Variants in PTPRD observed in about 807,000 individuals in gnomAD.
The protein encoded by PTPRD is receptor-type tyrosine-protein phosphatase delta.
Under a neutral mutation model 214.5 loss-of-function variants are expected in PTPRD, and 34 were observed. That is an observed-to-expected ratio of 0.16 (90% CI 0.12 to 0.21). The LOEUF (loss-of-function observed/expected upper bound fraction) is 0.21, where lower values mean the gene tolerates loss of function less well. PTPRD is among the 10% of genes least tolerant of loss of function. The pLI, the probability that PTPRD is intolerant of heterozygous loss-of-function variation, is 1.00. For missense variants in PTPRD, 2,545 were observed against 2,398.7 expected (o/e 1.06, Z -1.27); for synonymous variants, 1,128 against 845.7 (o/e 1.33, Z -5.79).
intron 2 of PTPRD, among the ~76,000 whole-genome samples, chr9:10,546,304 T>G (rs1208362410): frequency 6.6e-6 from 1 of 152,090 alleles, no homozygotes; most frequent in Admixed American, 6.6e-5. Context: ...GATATTATCT[T>G]AACATTTTCC....
chr9:10,412,371 T>C (rs1164397486), intron 2 of PTPRD, among the ~76,000 whole-genome samples: 6 of 151,604 alleles, frequency 4.0e-5, no homozygotes, highest in Non-Finnish European at 8.8e-5. Flanking sequence ...CAGAAAGAAA[T>C]TGATTCCCTG....
rs190794081 is a variant in PTPRD at position 10,600,473 on chromosome 9, T to C, written c.-600+11925A>G. On this transcript the variant is annotated intron_variant, in intron 2 of 45. Transcript: ENST00000381196. The stretch of plus-strand genomic sequence containing the variant: ...ACTCAACAGATGTTAGAGCAACATC[T>C]CCAGCAACAAAGACCTGGAGCTCAG... 3.3e-5 allele frequency among the ~76,000 whole-genome samples: 5 copies of C among 151,766 alleles called. No homozygotes were observed. In the East Asian group the frequency reaches 9.8e-4, roughly 30 times the overall value.
chr9:10,376,904 A>T (rs2097739885), intron 2 of PTPRD, among the ~76,000 whole-genome samples: 1 of 152,054 alleles, frequency 6.6e-6, no homozygotes, highest in South Asian at 2.1e-4. Context: ...TGTTATAAAC[A>T]ATCCAATTAT....
intron 5 of PTPRD, among the ~76,000 whole-genome samples, chr9:9,848,210 C>T (rs1360176488): frequency 2.6e-5 from 4 of 152,056 alleles, no homozygotes; most frequent in Non-Finnish European, 5.9e-5. Context: ...TTGTAATTTT[C>T]AGAGGCACTA....
intron 34 of PTPRD, among the ~76,000 whole-genome samples, chr9:8,439,157 G>C (rs2095457605): frequency 6.6e-6 from 1 of 152,164 alleles, no homozygotes; most frequent in Non-Finnish European, 1.5e-5. Context: ...AGAAAAGGGA[G>C]GAGAATCTGT....
chr9:8,809,772 A>G (rs1020121981), intron 11 of PTPRD, among the ~76,000 whole-genome samples: 13 of 152,320 alleles, frequency 8.5e-5, no homozygotes, highest in African/African-American at 3.1e-4. Flanking sequence ...TATCAGTTTC[A>G]GCCTGATAAT....
chr9:8,872,791 C>T (rs1454301017), intron 11 of PTPRD, among the ~76,000 whole-genome samples: 1 of 152,150 alleles, frequency 6.6e-6, no homozygotes, highest in African/African-American at 2.4e-5. Flanking sequence ...GTACAGGAGG[C>T]GGCATTTGCC....
intron 3 of PTPRD, among the ~76,000 whole-genome samples, chr9:10,155,784 G>A (rs994623858): frequency 9.2e-5 from 14 of 152,074 alleles, no homozygotes; most frequent in African/African-American, 3.4e-4. Context: ...TTGCATCCCA[G>A]AGATAAAGCC....
intron 36 of PTPRD, among the ~76,000 whole-genome samples, chr9:8,400,491 T>C (rs1050590510): frequency 6.6e-6 from 1 of 152,168 alleles, no homozygotes; most frequent in African/African-American, 2.4e-5. Context: ...AGATAGGAAA[T>C]AGGAAATGAA....
chr9:9,834,834 A>C (rs2056245233), intron 5 of PTPRD, among the ~76,000 whole-genome samples: 1 of 151,996 alleles, frequency 6.6e-6, no homozygotes, highest in South Asian at 2.1e-4. Flanking sequence ...TATTTAATTG[A>C]TTGGTGATAA....
chr9:10,540,608 G>A (rs56196122), intron 2 of PTPRD, among the ~76,000 whole-genome samples: 3,006 of 152,158 alleles, frequency 0.02, 38 homozygotes, highest in Middle Eastern at 0.034. Context: ...GTTTGCATTT[G>A]TAACTTATAT....
intron 4 of PTPRD, among the ~76,000 whole-genome samples, chr9:10,030,789 T>A (rs2097049338): frequency 6.6e-6 from 1 of 152,168 alleles, no homozygotes; most frequent in East Asian, 1.9e-4. Context: ...ACAAACCAGG[T>A]AATTTGTCAT....
chr9:8,948,426 TATATATATATTTAC>T lies in PTPRD; in HGVS notation c.-104+70257_-104+70270del, dbSNP rs1351357970. On this transcript the variant is annotated intron_variant, in intron 11 of 45. Coordinates refer to ENST00000381196, the MANE Select transcript of PTPRD (RefSeq NM_002839.4). The stretch of plus-strand genomic sequence containing the variant: ...TTTAAAATATATATATATATATATT[TATATATATATTTAC>T]ATATATATATATTTATATATATATT... 9.6e-3 allele frequency among the ~76,000 whole-genome samples: 236 copies of T among 24,510 alleles called. 20 individuals carry two copies. Among genetic ancestry groups the T allele is most frequent in the Non-Finnish European group, 0.016 (174 of 11,176 alleles). The allele number at this position is 24,510 out of a possible 152,430, so 16.1% of individuals were successfully genotyped here.
At position 9,748,933 on chromosome 9, in the gene PTPRD, A is replaced by C. The variant is rs867904885; in HGVS notation, c.-325-14362T>G. ...GTACTACTGTAATCTACATTTGACA[A>C]CATGGCTGGTGATAATTTGAGGTGG... On this transcript the variant is annotated intron_variant, in intron 6 of 45. Transcript: ENST00000381196. Among the ~76,000 whole-genome samples the C allele has an allele frequency of 1.5e-4, 23 of 152,338 alleles. No homozygotes were observed. The Middle Eastern group carries it at 0.014, about 90-fold the overall frequency.
intron 33 of PTPRD, among the ~76,000 whole-genome samples, chr9:8,454,253 G>C (rs945058873): frequency 3.3e-5 from 5 of 152,112 alleles, no homozygotes; most frequent in African/African-American, 9.7e-5. Context: ...CAGTTTATGA[G>C]ACACCTCACA....
chr9:9,058,481 C>T (rs1460639473), intron 10 of PTPRD, among the ~76,000 whole-genome samples: 1 of 52,498 alleles, frequency 1.9e-5, no homozygotes, highest in East Asian at 5.9e-4. Flanking sequence ...GACGGAGTCT[C>T]GCTGTCGCCC....
intron 10 of PTPRD, among the ~76,000 whole-genome samples, chr9:9,121,160 T>C (rs1027198051): frequency 6.6e-6 from 1 of 152,214 alleles, no homozygotes; most frequent in African/African-American, 2.4e-5. Flanking sequence ...ATAGATGCTG[T>C]CATAGTCACC....
chr9:9,936,012 A>C (rs1392049767), intron 5 of PTPRD, among the ~76,000 whole-genome samples: 3 of 150,706 alleles, frequency 2.0e-5, no homozygotes, highest in African/African-American at 7.4e-5. Context: ...TGCTGGGAAA[A>C]CTGGCTAGCC....
chr9:9,657,572 C>T (rs2096543930), intron 7 of PTPRD, among the ~76,000 whole-genome samples: 2 of 151,966 alleles, frequency 1.3e-5, no homozygotes, highest in Non-Finnish European at 2.9e-5. Context: ...GCACGTTGTG[C>T]ATATGTACCC....
Sources: allele counts gnomAD v4.1 joint callset (sites outside exome capture counted in the v4.1 genomes callset), GRCh38; gene constraint gnomAD v4.1.1; transcripts MANE v1.5; gene names NCBI Gene and HGNC (gene_info 2026-07-23, HGNC 2026-07-21).